The following MACROD2 variants were observed in gnomAD, a reference collection of about 807,000 sequenced individuals.
The protein encoded by MACROD2 is ADP-ribose glycohydrolase MACROD2.
In MACROD2, 36 loss-of-function variants were observed where a neutral mutation model predicts 70.4. That is an observed-to-expected ratio of 0.51 (90% CI 0.39 to 0.68). The LOEUF (loss-of-function observed/expected upper bound fraction) is 0.68. Among genes scored for constraint, MACROD2 ranks in the 30% least tolerant of loss-of-function variants. The pLI is 0.00. For missense variants in MACROD2, 496 were observed against 538.4 expected, an observed-to-expected ratio of 0.92 and a Z score of 0.78; for synonymous variants, 172 against 178.8, an observed-to-expected ratio of 0.96 and a Z score of 0.30.
chr20:15,678,030 A>T (rs1247260944), intron 8 of MACROD2, among the ~76,000 whole-genome samples: 1 of 151,704 alleles, frequency 6.6e-6, no homozygotes, highest in African/African-American at 2.4e-5. Context: ...ACGCCACTGC[A>T]CTCCAGCCTG....
chr20:15,661,262 T>TATAA (rs1318068980), intron 8 of MACROD2, among the ~76,000 whole-genome samples: 1 of 152,160 alleles, frequency 6.6e-6, no homozygotes, highest in Admixed American at 6.5e-5. Flanking sequence ...CTGGGTAATT[T>TATAA]ATAAAGAAAA....
At chr20:14,998,581 A>T (rs1441835532) in intron 5 of MACROD2, among the ~76,000 whole-genome samples, 1 of 152,176 alleles carries the variant, frequency 6.6e-6, no homozygotes, top group African/African-American at 2.4e-5. Context: ...CAGTCACAGG[A>T]GACAAAAGGA....
intron 10 of MACROD2, chr20:15,893,661 A>G (rs1474694956): frequency 4.4e-6 from 2 of 456,112 alleles, no homozygotes; most frequent in Middle Eastern, 3.2e-4. Flanking sequence ...AAACTTTTAC[A>G]CTTGATCTTA....
At chr20:14,107,593 A>C (rs904006834) in intron 3 of MACROD2, among the ~76,000 whole-genome samples, 1 of 152,158 alleles carries the variant, frequency 6.6e-6, no homozygotes, top group Non-Finnish European at 1.5e-5. Context: ...TTAATAACCA[A>C]ACTCCCCAAA....
intron 8 of MACROD2, among the ~76,000 whole-genome samples, chr20:15,706,216 C>T (rs1377738577): frequency 6.6e-6 from 1 of 152,166 alleles, no homozygotes; most frequent in Non-Finnish European, 1.5e-5. Context: ...TGCTAGAACC[C>T]ACATACAGTC....
At chr20:15,525,106 G>A (rs1251538942) in intron 8 of MACROD2, among the ~76,000 whole-genome samples, 4 of 152,164 alleles carry the variant, frequency 2.6e-5, no homozygotes, top group African/African-American at 9.7e-5. Flanking sequence ...TCAGCATTCG[G>A]CCATTTCCAG....
intron 4 of MACROD2, among the ~76,000 whole-genome samples, chr20:14,502,287 A>G (rs183605170): frequency 2.0e-5 from 3 of 152,242 alleles, no homozygotes; most frequent in East Asian, 3.9e-4. Flanking sequence ...TGGCACTGTT[A>G]AGAATCCTCT....
At chr20:14,128,986 T>TG (rs2054686106) in intron 3 of MACROD2, among the ~76,000 whole-genome samples, 1 of 152,214 alleles carries the variant, frequency 6.6e-6, no homozygotes, top group Admixed American at 6.5e-5. Flanking sequence ...CTGATGAAGA[T>TG]GTACAAAGAG....
At position 15,478,865 on chromosome 20, in the gene MACROD2, C is replaced by CA. The variant is rs532572464; in HGVS notation, c.572-20906dup. Among the ~76,000 whole-genome samples, 240 of 152,286 alleles carry CA rather than the reference C, an allele frequency of 1.6e-3. 1 individual carries two copies. Among genetic ancestry groups the CA allele is most frequent in the African/African-American group, 5.8e-3 (240 of 41,550 alleles). On this transcript the variant is annotated intron_variant, in intron 7 of 17. Coordinates refer to ENST00000684519, the MANE Select transcript of MACROD2 (RefSeq NM_001351661.2). ...TTGGTTGCAAGGTGGCTGTCAATCA[C>CA]AAATGCAAGTTGTCACCAGGCAAAA...
At chr20:14,287,405 ATGATGATGATCATGG>A (rs1352122160) in intron 3 of MACROD2, among the ~76,000 whole-genome samples, 2 of 151,254 alleles carry the variant, frequency 1.3e-5, no homozygotes, top group African/African-American at 2.4e-5. Context: ...GATGATGATG[ATGATGATGATCATGG>A]TGATGATGAT....
At chr20:14,519,262 G>A (rs1018953821) in intron 4 of MACROD2, among the ~76,000 whole-genome samples, 18 of 152,060 alleles carry the variant, frequency 1.2e-4, no homozygotes, top group Non-Finnish European at 2.4e-4. Context: ...ATTTTATGAA[G>A]TATATTCAGA....
intron 5 of MACROD2, among the ~76,000 whole-genome samples, chr20:15,027,696 G>A (rs2075243354): frequency 6.8e-6 from 1 of 146,614 alleles, no homozygotes; most frequent in South Asian, 2.2e-4. Context: ...GCAAGAGTAG[G>A]ACTCTCTAAT....
intron 5 of MACROD2, among the ~76,000 whole-genome samples, chr20:14,726,713 A>C (rs955393863): frequency 1.3e-5 from 2 of 152,196 alleles, no homozygotes; most frequent in Non-Finnish European, 2.9e-5. Context: ...AAACTGGTTC[A>C]GTTCACATCT....
At chr20:15,582,258 A>C (rs1208034711) in intron 8 of MACROD2, among the ~76,000 whole-genome samples, 1 of 152,174 alleles carries the variant, frequency 6.6e-6, no homozygotes, top group Non-Finnish European at 1.5e-5. Flanking sequence ...CAAGAATGCC[A>C]GGTCTTAGCC....
chr20:15,871,677 T>G (rs145753434), intron 9 of MACROD2, among the ~76,000 whole-genome samples: 1 of 152,158 alleles, frequency 6.6e-6, no homozygotes, highest in Non-Finnish European at 1.5e-5. Context: ...CTTTAAAGAA[T>G]GAACAAGGGT....
chr20:15,432,754 G>A (rs2104589), intron 7 of MACROD2, among the ~76,000 whole-genome samples: 100,710 of 151,806 alleles, frequency 0.66, 34,517 homozygotes, highest in African/African-American at 0.82. Context: ...CACCAATACT[G>A]TATACATCAT....
chr20:14,416,861 T>G lies in MACROD2; in HGVS notation c.272-76618T>G, dbSNP rs527798190. ...TGGGCATGGGAAAGATGAGGCCCAT[T>G]TCCCTGGATTTGGAATCTGGTGGTT... On this transcript the variant is annotated intron_variant, in intron 3 of 17. Coordinates refer to ENST00000684519, the MANE Select transcript of MACROD2 (RefSeq NM_001351661.2). Among the ~76,000 whole-genome samples the G allele has an allele frequency of 2.5e-3, 374 of 152,324 alleles. 2 individuals carry two copies. Among genetic ancestry groups the G allele is most frequent in the Non-Finnish European group, 3.9e-3 (268 of 68,030 alleles).
At chr20:15,107,786 T>A (rs1408449261) in intron 5 of MACROD2, among the ~76,000 whole-genome samples, 1 of 152,138 alleles carries the variant, frequency 6.6e-6, no homozygotes, top group East Asian at 1.9e-4. Flanking sequence ...TTTGTTGTTG[T>A]TGTTTTAATG....
chr20:15,210,383 C>T (rs1276586268), intron 5 of MACROD2, among the ~76,000 whole-genome samples: 1 of 152,140 alleles, frequency 6.6e-6, no homozygotes, highest in Non-Finnish European at 1.5e-5. Context: ...ACTCTGTTTT[C>T]CTGGTCTTAT....
Sources: allele counts gnomAD v4.1 joint callset (sites outside exome capture counted in the v4.1 genomes callset), GRCh38; gene constraint gnomAD v4.1.1; transcripts MANE v1.5; gene names NCBI Gene and HGNC (gene_info 2026-07-23, HGNC 2026-07-21).